Variants in KCNAB1 observed in about 807,000 individuals in gnomAD.
KCNAB1 encodes potassium voltage-gated channel subfamily A regulatory beta subunit 1, also known as voltage-gated potassium channel subunit beta-1.
Under a neutral mutation model 64.6 loss-of-function variants are expected in KCNAB1, and 35 were observed. That is an observed-to-expected ratio of 0.54 (90% confidence interval 0.41 to 0.72). The LOEUF is 0.72. Ranked by LOEUF, KCNAB1 falls within the 30% of genes least tolerant of loss-of-function variation. KCNAB1 has a pLI of 0.00. For synonymous variants in KCNAB1, 177 were observed against 183.8 expected (o/e 0.96, Z 0.30); for missense variants, 401 against 512.9 (o/e 0.78, Z 2.11).
intron 1 of KCNAB1, among the ~76,000 whole-genome samples, chr3:156,377,702 A>G (rs539684829): frequency 1.3e-5 from 2 of 152,064 alleles, no homozygotes; most frequent in Non-Finnish European, 2.9e-5. Flanking sequence ...GGAGGTAAAT[A>G]CCTGCAGGTG....
intron 9 of KCNAB1, 65 bp downstream of exon 9, chr3:156,514,514 A>G (rs72554024): frequency 2.4e-6 from 3 of 1,226,656 alleles, no homozygotes; most frequent in South Asian, 1.2e-5. Context: ...GATGCCATGC[A>G]TAAATTGCAA....
intron 1 of KCNAB1, among the ~76,000 whole-genome samples, chr3:156,352,016 C>T (rs372178583): frequency 2.0e-5 from 3 of 152,354 alleles, no homozygotes; most frequent in East Asian, 3.9e-4. Context: ...TGGGACACTG[C>T]TGAGCTCTGT....
intron 1 of KCNAB1, among the ~76,000 whole-genome samples, chr3:156,172,780 A>G (rs539580224): frequency 1.5e-4 from 23 of 152,316 alleles, no homozygotes; most frequent in East Asian, 7.7e-4. Flanking sequence ...GGTCCTGGAA[A>G]GTCCCAGGGG....
chr3:156,312,695 A>ACT (rs544183894), intron 1 of KCNAB1, among the ~76,000 whole-genome samples: 2,234 of 121,432 alleles, frequency 0.018, 55 homozygotes, highest in African/African-American at 0.037. Flanking sequence ...ACAGAGTGAG[A>ACT]CTGTCTCCAA....
At chr3:156,232,506 A>G (rs868108386) in intron 1 of KCNAB1, among the ~76,000 whole-genome samples, 1 of 152,212 alleles carries the variant, frequency 6.6e-6, no homozygotes, top group Non-Finnish European at 1.5e-5. Context: ...AATAAACACA[A>G]TTTCCCAGCT....
intron 3 of KCNAB1, chr3:156,457,204 T>C: frequency 3.1e-6 from 4 of 1,280,324 alleles, no homozygotes; most frequent in Non-Finnish European, 4.0e-6. Context: ...AACACAAATC[T>C]ATCCACTTTG....
chr3:156,314,336 C>T (rs1041193863), intron 1 of KCNAB1, among the ~76,000 whole-genome samples: 1 of 152,210 alleles, frequency 6.6e-6, no homozygotes, highest in Non-Finnish European at 1.5e-5. Flanking sequence ...ATGTGTCATG[C>T]ATGTTACCAA....
intron 1 of KCNAB1, chr3:156,291,155 A>G (rs991448679): frequency 2.0e-6 from 2 of 985,470 alleles, no homozygotes; most frequent in East Asian, 1.1e-4. Flanking sequence ...TTGCCTTCCC[A>G]TCGCACACAA....
chr3:156,329,758 A>G lies in KCNAB1; in HGVS notation c.276-91858A>G, dbSNP rs116778029. Among the ~76,000 whole-genome samples, 1,176 of 152,274 alleles carry G rather than the reference A, an allele frequency of 7.7e-3. 9 individuals are homozygous for G. The highest frequency in any genetic ancestry group is 0.027 in the African/African-American group (1,125 of 41,550). ...AGCCACAGGGACCATCCAATAGAAG[A>G]TGGTAGAAAGACCAGACTAGAGACT... On this transcript the variant is annotated intron_variant, in intron 1 of 13. Coordinates refer to ENST00000490337, the MANE Select transcript of KCNAB1 (RefSeq NM_172160.3).
chr3:156,354,142 A>ATATATATG (rs1491445238), intron 1 of KCNAB1, among the ~76,000 whole-genome samples: 98 of 123,150 alleles, frequency 8.0e-4, no homozygotes, highest in African/African-American at 2.4e-3. Context: ...ATATATATAT[A>ATATATATG]TGTGTATATA....
chr3:156,380,002 G>C (rs537292924), intron 1 of KCNAB1, among the ~76,000 whole-genome samples: 1 of 152,296 alleles, frequency 6.6e-6, no homozygotes, highest in East Asian at 1.9e-4. Flanking sequence ...GAAGGATGTG[G>C]CTGCTCTAAG....
intron 1 of KCNAB1, among the ~76,000 whole-genome samples, chr3:156,307,905 A>G (rs1321948367): frequency 1.3e-5 from 2 of 152,246 alleles, no homozygotes; most frequent in Admixed American, 6.5e-5. Context: ...TTCAATAAAC[A>G]TTCCCTAAGC....
At chr3:156,195,022 G>A (rs769983620) in intron 1 of KCNAB1, among the ~76,000 whole-genome samples, 13 of 152,038 alleles carry the variant, frequency 8.6e-5, no homozygotes, top group Non-Finnish European at 1.8e-4. Flanking sequence ...ACTTGTGAGC[G>A]AGAACATGCA....
At position 156,171,194 on chromosome 3, in the gene KCNAB1, T is replaced by TACACACACACACAC. The variant is rs779486541; in HGVS notation, c.275+50327_275+50340dup. 8.1e-3 allele frequency among the ~76,000 whole-genome samples: 1,200 copies of TACACACACACACAC among 147,694 alleles called. 14 individuals carry two copies. Among genetic ancestry groups the TACACACACACACAC allele is most frequent in the African/African-American group, 0.029 (1,150 of 39,628 alleles). On this transcript the variant is annotated intron_variant, in intron 1 of 13. Transcript: ENST00000490337. ...TATAGTTAGAAACTTCACGCACACA[T>TACACACACACACAC]ACACACACACACACACACACACACA...
At chr3:156,372,060 C>T (rs934046649) in intron 1 of KCNAB1, among the ~76,000 whole-genome samples, 1 of 152,190 alleles carries the variant, frequency 6.6e-6, no homozygotes, top group East Asian at 1.9e-4. Context: ...TTACTTGCAG[C>T]GTCTCTGGTT....
Position 156,516,316 on chromosome 3 carries a change from A to G in KCNAB1, c.912A>G (p.Ser304=). Reference sequence around the variant, plus strand: ...CTCCACTTGCCTGTGGAATCATCTCAGGAAAATACGGAAACGGGGTGCCTG... The same window carrying G: ...CTCCACTTGCCTGTGGAATCATCTCGGGAAAATACGGAAACGGGGTGCCTG... The part of the protein sequence containing the change: ...TWSPLACGII[S]GKYGNGVPES... Residue 304 remains serine (S), a synonymous_variant, in exon 11 of 14, where the codon TCA becomes TCG. Transcript: ENST00000490337. The G allele has an allele frequency of 6.2e-7, 1 of 1,614,100 alleles. No individual in the cohort carries two copies. Among genetic ancestry groups the G allele is most frequent in the East Asian group, 2.2e-5 (1 of 44,880 alleles).
intron 1 of KCNAB1, among the ~76,000 whole-genome samples, chr3:156,121,354 A>C (rs1713333487): frequency 6.6e-6 from 1 of 152,240 alleles, no homozygotes; most frequent in African/African-American, 2.4e-5. Flanking sequence ...GGCTGGCCAT[A>C]GGGATGCAGA....
At chr3:156,518,375 G>A (rs1000073000) in intron 11 of KCNAB1, among the ~76,000 whole-genome samples, 5 of 151,796 alleles carry the variant, frequency 3.3e-5, no homozygotes, top group South Asian at 2.1e-4. Flanking sequence ...CTTGAGTATC[G>A]TTACCAGAGC....
At chr3:156,421,797 C>T in intron 2 of KCNAB1, 138 bp downstream of exon 2, 1 of 664,212 alleles carries the variant, frequency 1.5e-6, no homozygotes, top group Non-Finnish European at 2.6e-6. Context: ...CCCCACTTCT[C>T]CTTTGAGCCT....
Sources: allele counts gnomAD v4.1 joint callset (sites outside exome capture counted in the v4.1 genomes callset), GRCh38; gene constraint gnomAD v4.1.1; transcripts MANE v1.5; gene names NCBI Gene and HGNC (gene_info 2026-07-23, HGNC 2026-07-21).